The following MALRD1 variants were observed in gnomAD, a reference collection of about 807,000 sequenced individuals.
MALRD1 encodes the protein MAM and LDL receptor class A domain containing 1.
Under a neutral mutation model 242.1 loss-of-function variants are expected in MALRD1, and 247 were observed. The observed-to-expected ratio is 1.02, with a 90% CI of 0.92 to 1.13. The LOEUF is 1.13. MALRD1 is among the 50% of genes most tolerant of loss of function. The pLI is 0.00. For missense variants in MALRD1, 2,989 were observed against 2,533.1 expected (o/e 1.18, Z -3.86); for synonymous variants, 995 against 866.6 (o/e 1.15, Z -2.60).
chr10:19,099,532 A>C (rs1465592932), intron 4 of MALRD1, among the ~76,000 whole-genome samples: 1 of 152,110 alleles, frequency 6.6e-6, no homozygotes, highest in African/African-American at 2.4e-5. Flanking sequence ...TCTGTGGTAT[A>C]GGAACTCCAT....
intron 25 of MALRD1, among the ~76,000 whole-genome samples, 197 bp from the exon 26 acceptor site, chr10:19,351,809 A>G (rs1441092874): frequency 2.6e-5 from 4 of 152,158 alleles, no homozygotes; most frequent in Non-Finnish European, 5.9e-5. Flanking sequence ...GCTGTCTCCC[A>G]TACATTGCAA....
intron 31 of MALRD1, among the ~76,000 whole-genome samples, chr10:19,529,319 C>A (rs1416087763): frequency 3.3e-5 from 5 of 151,942 alleles, no homozygotes; most frequent in African/African-American, 7.3e-5. Context: ...CTTGTACTAC[C>A]CATGAAATGG....
intron 5 of MALRD1, among the ~76,000 whole-genome samples, chr10:19,114,049 G>A (rs1246542521): frequency 6.6e-6 from 1 of 152,110 alleles, no homozygotes; most frequent in Non-Finnish European, 1.5e-5. Context: ...TTCCTTGTGA[G>A]ATACATATGC....
chr10:19,205,627 A>G (rs1236589844), intron 17 of MALRD1, among the ~76,000 whole-genome samples: 1 of 152,076 alleles, frequency 6.6e-6, no homozygotes, highest in Non-Finnish European at 1.5e-5. Context: ...GTGGCATTGG[A>G]CTTTCTAGAC....
At chr10:19,725,910 G>A (rs920549785) in intron 38 of MALRD1, among the ~76,000 whole-genome samples, 4 of 152,076 alleles carry the variant, frequency 2.6e-5, no homozygotes, top group African/African-American at 4.8e-5. Context: ...GAATGCAGAT[G>A]GACCCCCTAC....
intron 36 of MALRD1, among the ~76,000 whole-genome samples, chr10:19,682,270 A>G (rs1842406205): frequency 6.6e-6 from 1 of 152,182 alleles, no homozygotes; most frequent in East Asian, 1.9e-4. Flanking sequence ...TGGGCACACA[A>G]TGACAATAAG....
intron 2 of MALRD1, among the ~76,000 whole-genome samples, chr10:19,068,480 C>T (rs533239875): frequency 1.5e-4 from 23 of 152,104 alleles, no homozygotes; most frequent in African/African-American, 5.3e-4. Context: ...TGCCAGTCAG[C>T]TGGTTTTGTA....
rs180903777 is a variant in MALRD1 at position 19,686,936 on chromosome 10, C to A, written c.6138-5346C>A. ...CAAAAGAAGTGGTAAAATGTAGAGC[C>A]CCATAAAAGCTCAAAATACATCAGG... On this transcript the variant is annotated intron_variant, in intron 36 of 39. Coordinates refer to ENST00000454679, the MANE Select transcript of MALRD1 (RefSeq NM_001142308.3). Among the ~76,000 whole-genome samples the A allele has an allele frequency of 1.5e-3, 232 of 151,962 alleles. 1 individual carries two copies. Among genetic ancestry groups the A allele is most frequent in the Admixed American group, 4.6e-3 (70 of 15,276 alleles).
intron 28 of MALRD1, among the ~76,000 whole-genome samples, chr10:19,435,977 A>C (rs914708837): frequency 6.6e-6 from 1 of 152,130 alleles, no homozygotes; most frequent in East Asian, 1.9e-4. Flanking sequence ...TTATAATTCA[A>C]TAGTACTCTA....
chr10:19,687,671 G>A (rs565971322), intron 36 of MALRD1, among the ~76,000 whole-genome samples: 5 of 152,126 alleles, frequency 3.3e-5, no homozygotes, highest in Admixed American at 6.5e-5. Context: ...ACATTTTCTC[G>A]TTTTTCATTT....
intron 8 of MALRD1, among the ~76,000 whole-genome samples, chr10:19,129,525 T>A (rs1837387038): frequency 6.6e-6 from 1 of 151,946 alleles, no homozygotes; most frequent in African/African-American, 2.4e-5. Flanking sequence ...ATAGGTATGA[T>A]CATTTATTAG....
intron 21 of MALRD1, among the ~76,000 whole-genome samples, chr10:19,322,379 T>A (rs1175894715): frequency 6.6e-6 from 1 of 152,152 alleles, no homozygotes; most frequent in Non-Finnish European, 1.5e-5. Flanking sequence ...ACTCTGTGGT[T>A]TGCATGACAC....
At chr10:19,663,165 C>A (rs1841524523) in intron 36 of MALRD1, among the ~76,000 whole-genome samples, 1 of 152,138 alleles carries the variant, frequency 6.6e-6, no homozygotes, top group Non-Finnish European at 1.5e-5. Flanking sequence ...TTCCATCCCT[C>A]ACCCCTCTTC....
chr10:19,427,141 A>G (rs1833934035), intron 28 of MALRD1, among the ~76,000 whole-genome samples: 1 of 152,202 alleles, frequency 6.6e-6, no homozygotes, highest in Non-Finnish European at 1.5e-5. Context: ...GAACAAGGAT[A>G]TGAATTAATA....
intron 28 of MALRD1, among the ~76,000 whole-genome samples, chr10:19,443,845 T>A (rs1564345143): frequency 6.6e-6 from 1 of 152,248 alleles, no homozygotes; most frequent in Non-Finnish European, 1.5e-5. Flanking sequence ...ATCCACTTGG[T>A]GCACAGCTGA....
chr10:19,182,400 C>A lies in MALRD1; in HGVS notation c.1951+7072C>A, dbSNP rs145756462. On this transcript the variant is annotated intron_variant, in intron 14 of 39. Transcript: ENST00000454679. ...AGTGCAGTGGTGCGATATGGGCTTA[C>A]TGCCAGCTCTGCCTCCCGGGTTCAC... is the stretch of plus-strand genomic sequence containing the variant. 1.1e-4 allele frequency among the ~76,000 whole-genome samples: 15 copies of A among 133,850 alleles called. No individual in the cohort carries two copies. In the East Asian group the frequency reaches 3.3e-3, roughly 30 times the overall value. The allele number at this position is 133,850 out of a possible 152,430, so 87.8% of individuals were successfully genotyped here. A position where few individuals can be genotyped will look rare whatever the true frequency, so the allele number is the denominator to read the frequency against.
intron 26 of MALRD1, among the ~76,000 whole-genome samples, chr10:19,365,593 C>G (rs1031756028): frequency 7.4e-6 from 1 of 135,766 alleles, no homozygotes; most frequent in African/African-American, 2.8e-5. Context: ...GAATGGGTTT[C>G]TTATTCGTCC....
chr10:19,537,683 G>A (rs1017570899), intron 32 of MALRD1, among the ~76,000 whole-genome samples: 1 of 152,150 alleles, frequency 6.6e-6, no homozygotes, highest in African/African-American at 2.4e-5. Context: ...ATCACAGATG[G>A]AAAGTTTCAT....
chr10:19,467,431 A>T (rs567058228), intron 29 of MALRD1, among the ~76,000 whole-genome samples: 7 of 145,022 alleles, frequency 4.8e-5, no homozygotes, highest in Admixed American at 4.8e-4. Context: ...CCTTTCTTAC[A>T]GCGCTATCTC....
Sources: gnomAD v4.1 joint callset for allele counts (sites outside exome capture counted in the v4.1 genomes callset) on GRCh38, gnomAD v4.1.1 for gene constraint, MANE v1.5 for transcripts, NCBI Gene and HGNC (gene_info 2026-07-23, HGNC 2026-07-21) for gene names.